Variants in CIMIP6 observed in about 807,000 individuals in gnomAD.
CIMIP6 encodes the protein uncharacterized protein C2orf73.
At chr2:54,342,989 T>C in the CIMIP6 span, among the ~76,000 whole-genome samples, 1 of 152,216 alleles carries the variant, frequency 6.6e-6, no homozygotes, top group East Asian at 1.9e-4. Context: ...TCATACATGC[T>C]AATGAAGAAT....
the CIMIP6 span, among the ~76,000 whole-genome samples, chr2:54,353,720 G>A: frequency 1.3e-5 from 2 of 152,228 alleles, no homozygotes; most frequent in African/African-American, 2.4e-5. Context: ...TTTTGTGGAG[G>A]AGCAGCTTTT....
chr2:54,380,461 C>G, the CIMIP6 span, among the ~76,000 whole-genome samples: 1 of 152,146 alleles, frequency 6.6e-6, no homozygotes, highest in African/African-American at 2.4e-5. Flanking sequence ...CCTGGAATGT[C>G]TTCTCATTTG....
chr2:54,368,452 A>G, the CIMIP6 span, among the ~76,000 whole-genome samples: 2 of 152,260 alleles, frequency 1.3e-5, no homozygotes, highest in Non-Finnish European at 2.9e-5. Flanking sequence ...TGAGATTTCC[A>G]TAACCCTAGT....
chr2:54,384,081 C>T, the CIMIP6 span, among the ~76,000 whole-genome samples: 4 of 152,328 alleles, frequency 2.6e-5, no homozygotes, highest in East Asian at 7.7e-4. Context: ...GTTATAGCAG[C>T]ACAAACCGGA....
the CIMIP6 span, among the ~76,000 whole-genome samples, chr2:54,374,651 A>T: frequency 6.6e-6 from 1 of 152,250 alleles, no homozygotes; most frequent in Non-Finnish European, 1.5e-5. Context: ...TGGGTATCGG[A>T]AAGAAAAGGC....
the CIMIP6 span, among the ~76,000 whole-genome samples, chr2:54,345,218 G>C: frequency 2.6e-5 from 4 of 152,086 alleles, no homozygotes; most frequent in Admixed American, 1.3e-4. Context: ...GCCTTCATAA[G>C]GAAATGAAGA....
chr2:54,368,585 T>C, the CIMIP6 span, among the ~76,000 whole-genome samples: 2 of 152,244 alleles, frequency 1.3e-5, no homozygotes, highest in African/African-American at 2.4e-5. Flanking sequence ...CTTTGTTTAC[T>C]TGGGGGCATT....
chr2:54,343,900 TTTATG>T, the CIMIP6 span: 9 of 1,514,546 alleles, frequency 5.9e-6, no homozygotes, highest in Non-Finnish European at 6.2e-6. Context: ...GTAAAAACCT[TTTATG>T]TTATCTCAAA....
chr2:54,335,991 A>T, the CIMIP6 span, among the ~76,000 whole-genome samples: 9 of 152,258 alleles, frequency 5.9e-5, no homozygotes, highest in East Asian at 1.7e-3. Flanking sequence ...ATAATTCAGG[A>T]TAATCTCCCC....
the CIMIP6 span, among the ~76,000 whole-genome samples, chr2:54,371,478 C>T: frequency 6.6e-6 from 1 of 152,312 alleles, no homozygotes; most frequent in African/African-American, 2.4e-5. Flanking sequence ...AATGGCCATG[C>T]ATTGATGAGT....
chr2:54,335,544 G>A, the CIMIP6 span, among the ~76,000 whole-genome samples: 1 of 152,158 alleles, frequency 6.6e-6, no homozygotes, highest in Non-Finnish European at 1.5e-5. Flanking sequence ...ATAAGCAAAT[G>A]TCACAGTCAT....
the CIMIP6 span, among the ~76,000 whole-genome samples, chr2:54,342,706 C>A: frequency 6.6e-6 from 1 of 151,568 alleles, no homozygotes; most frequent in Non-Finnish European, 1.5e-5. Flanking sequence ...GCATATTTAT[C>A]CCCCTTGAAT....
At chr2:54,373,381 A>G in the CIMIP6 span, among the ~76,000 whole-genome samples, 159 of 152,116 alleles carry the variant, frequency 1.0e-3, 1 homozygote, top group African/African-American at 3.4e-3. Context: ...TCCAAGGCCT[A>G]GTGCCGATAT....
chr2:54,365,037 A>G, the CIMIP6 span, among the ~76,000 whole-genome samples: 2 of 152,212 alleles, frequency 1.3e-5, no homozygotes, highest in African/African-American at 4.8e-5. Flanking sequence ...CTGAGCTGGA[A>G]TGGGAATGGA....
the CIMIP6 span, among the ~76,000 whole-genome samples, chr2:54,382,516 C>A: frequency 5.3e-3 from 800 of 152,172 alleles, 9 homozygotes; most frequent in African/African-American, 0.018. Context: ...CATTTCCTGC[C>A]TCCATGCCCT....
chr2:54,381,707 G>T, the CIMIP6 span: 3 of 1,226,814 alleles, frequency 2.4e-6, no homozygotes, highest in East Asian at 8.7e-5. Flanking sequence ...TTTCACTCCT[G>T]TGCCATCTGC....
the CIMIP6 span, among the ~76,000 whole-genome samples, chr2:54,367,950 T>C: frequency 6.6e-6 from 1 of 152,308 alleles, no homozygotes; most frequent in South Asian, 2.1e-4. Context: ...AGTAACCTTA[T>C]AGGTCACATA....
chr2:54,335,180 A>T, the CIMIP6 span, among the ~76,000 whole-genome samples: 1 of 152,220 alleles, frequency 6.6e-6, no homozygotes, highest in Non-Finnish European at 1.5e-5. Flanking sequence ...CTATTTTGCC[A>T]GCTGACTTTT....
At chr2:54,332,478 A>C in the CIMIP6 span, among the ~76,000 whole-genome samples, 1 of 152,144 alleles carries the variant, frequency 6.6e-6, no homozygotes, top group African/African-American at 2.4e-5. Context: ...TGTTATTCTC[A>C]TATCTCTTAC....
Sources: allele counts gnomAD v4.1 joint callset (sites outside exome capture counted in the v4.1 genomes callset), GRCh38; gene constraint gnomAD v4.1.1; transcripts MANE v1.5; gene names NCBI Gene and HGNC (gene_info 2026-07-23, HGNC 2026-07-21).